Variants in FILIP1L observed in about 807,000 individuals in gnomAD.
The protein encoded by FILIP1L is filamin A interacting protein 1 like.
Under a neutral mutation model 96.6 loss-of-function variants are expected in FILIP1L, and 55 were observed. That is an observed-to-expected ratio of 0.57 (90% CI 0.46 to 0.71). The LOEUF (loss-of-function observed/expected upper bound fraction) is 0.71. Among genes scored for constraint, FILIP1L ranks in the 30% least tolerant of loss-of-function variants. The probability of loss-of-function intolerance (pLI) is 0.00; values close to 1 mark genes in which losing one functional copy is unlikely to be tolerated. For missense variants in FILIP1L, 1,304 were observed against 1,321.2 expected (o/e 0.99, Z 0.20); for synonymous variants, 467 against 473.9 (o/e 0.99, Z 0.19).
chr3:100,007,490 T>C (rs1297561933), intron 1 of FILIP1L, among the ~76,000 whole-genome samples: 1 of 152,060 alleles, frequency 6.6e-6, no homozygotes, highest in Non-Finnish European at 1.5e-5. Context: ...AATCAAATCA[T>C]GAAAGATGCA....
chr3:99,999,888 A>G (rs1709792836), intron 1 of FILIP1L, among the ~76,000 whole-genome samples: 1 of 152,202 alleles, frequency 6.6e-6, no homozygotes, highest in Non-Finnish European at 1.5e-5. Flanking sequence ...TCAGTTTCAC[A>G]CATAGTCCAA....
chr3:99,989,671 TA>T (rs1709453809), intron 1 of FILIP1L, among the ~76,000 whole-genome samples: 1 of 142,448 alleles, frequency 7.0e-6, no homozygotes, highest in African/African-American at 2.7e-5. Flanking sequence ...CCTCTATATA[TA>T]TATATATATA....
At chr3:100,064,285 C>G (rs2065623395) in intron 1 of FILIP1L, among the ~76,000 whole-genome samples, 1 of 152,122 alleles carries the variant, frequency 6.6e-6, no homozygotes, top group Non-Finnish European at 1.5e-5. Flanking sequence ...GTTTAACTTA[C>G]TAATAGACAA....
At position 99,848,672 on chromosome 3, in the gene FILIP1L, T is replaced by G; in HGVS notation, c.3004A>C (p.Ile1002Leu). The change falls in exon 5 of 6, where the codon ATT becomes CTT. Residue 1002 changes from isoleucine (I) to leucine (L), a missense_variant. Ile to Leu is a conservative substitution (Grantham distance 5, BLOSUM62 2). Transcript: ENST00000477258. The part of the protein sequence containing the change: ...SLTPERTMSP[I>L]QVLAVTGSAS... Reference sequence around the variant, plus strand: ...GAACCAGTCACAGCCAAAACCTGAATAGGGGACATTGTCCTTTCTGGAGTT... The same window carrying G: ...GAACCAGTCACAGCCAAAACCTGAAGAGGGGACATTGTCCTTTCTGGAGTT... 1.2e-6 allele frequency: 2 copies of G among 1,614,186 alleles called. No homozygotes were observed. The highest frequency in any genetic ancestry group is 1.7e-6 in the Non-Finnish European group (2 of 1,180,020).
At chr3:100,096,164 A>G (rs186301240) in intron 1 of FILIP1L, among the ~76,000 whole-genome samples, 36 of 152,302 alleles carry the variant, frequency 2.4e-4, no homozygotes, top group South Asian at 2.3e-3. Context: ...TGTTGGTGGG[A>G]ATGAAAATTG....
At chr3:100,034,783 C>T (rs948075403) in intron 1 of FILIP1L, among the ~76,000 whole-genome samples, 5 of 152,156 alleles carry the variant, frequency 3.3e-5, no homozygotes, top group South Asian at 2.1e-4. Context: ...ATGCTTTAAA[C>T]CTAGACTTTC....
intron 4 of FILIP1L, among the ~76,000 whole-genome samples, chr3:99,914,241 A>T (rs981052650): frequency 2.6e-5 from 4 of 152,228 alleles, no homozygotes; most frequent in Non-Finnish European, 4.4e-5. Flanking sequence ...TATAGGATAT[A>T]TGAAGGAGGA....
intron 1 of FILIP1L, among the ~76,000 whole-genome samples, chr3:100,101,867 A>G (rs1318139764): frequency 1.3e-5 from 2 of 151,780 alleles, no homozygotes; most frequent in African/African-American, 2.4e-5. Context: ...GAGAACATGC[A>G]GTGTTTGGTT....
At chr3:100,002,631 G>A (rs917151018) in intron 1 of FILIP1L, among the ~76,000 whole-genome samples, 2 of 152,128 alleles carry the variant, frequency 1.3e-5, no homozygotes, top group African/African-American at 4.8e-5. Context: ...CCATCATATG[G>A]GTGTGATTGA....
chr3:99,983,393 T>TAA (rs1401992303), intron 1 of FILIP1L, among the ~76,000 whole-genome samples: 33 of 87,058 alleles, frequency 3.8e-4, no homozygotes, highest in African/African-American at 1.7e-3. Flanking sequence ...TAAATAAATA[T>TAA]ATATATATAT....
intron 1 of FILIP1L, among the ~76,000 whole-genome samples, chr3:100,095,324 A>G (rs1416277272): frequency 6.6e-6 from 1 of 152,206 alleles, no homozygotes; most frequent in Non-Finnish European, 1.5e-5. Flanking sequence ...TTAGGGATAA[A>G]TCGACGTGTT....
intron 1 of FILIP1L, among the ~76,000 whole-genome samples, chr3:99,994,828 C>T (rs1709627919): frequency 6.6e-6 from 1 of 152,196 alleles, no homozygotes; most frequent in Admixed American, 6.5e-5. Flanking sequence ...CATCAGATCT[C>T]ATGAGACTTA....
At chr3:100,007,198 G>A (rs1710012955) in intron 1 of FILIP1L, among the ~76,000 whole-genome samples, 1 of 152,116 alleles carries the variant, frequency 6.6e-6, no homozygotes, top group South Asian at 2.1e-4. Flanking sequence ...GGCTTTTATT[G>A]CTTTTTCTAT....
chr3:100,032,186 T>G (rs1020614344), intron 1 of FILIP1L, among the ~76,000 whole-genome samples: 2 of 152,098 alleles, frequency 1.3e-5, no homozygotes, highest in Admixed American at 1.3e-4. Flanking sequence ...TGAAAGACAA[T>G]TATTTAAATG....
At chr3:100,008,948 A>C (rs1025627606) in intron 1 of FILIP1L, among the ~76,000 whole-genome samples, 2 of 152,232 alleles carry the variant, frequency 1.3e-5, no homozygotes, top group Non-Finnish European at 2.9e-5. Flanking sequence ...TATAGGAAAG[A>C]AACTTTTTTC....
At chr3:99,914,582 T>A (rs1706893369) in intron 4 of FILIP1L, among the ~76,000 whole-genome samples, 2 of 152,228 alleles carry the variant, frequency 1.3e-5, no homozygotes, top group Non-Finnish European at 2.9e-5. Context: ...TCAGGTAAAG[T>A]TATAAAGTAA....
chr3:99,888,674 TA>T (rs1317903838), intron 4 of FILIP1L, among the ~76,000 whole-genome samples: 1 of 152,222 alleles, frequency 6.6e-6, no homozygotes, highest in African/African-American at 2.4e-5. Context: ...GAAGGTAAAG[TA>T]GAGAAAAGAA....
At chr3:100,111,831 C>G (rs1464384587) in intron 1 of FILIP1L, among the ~76,000 whole-genome samples, 8 of 152,174 alleles carry the variant, frequency 5.3e-5, no homozygotes, top group Non-Finnish European at 1.2e-4. Flanking sequence ...AGTATTTGCA[C>G]TAAAATGTGT....
At chr3:100,015,844 T>C (rs1576643017) in intron 1 of FILIP1L, among the ~76,000 whole-genome samples, 1 of 152,206 alleles carries the variant, frequency 6.6e-6, no homozygotes, top group African/African-American at 2.4e-5. Flanking sequence ...CTATCACATA[T>C]GATCATTGTA....
Sources: allele counts gnomAD v4.1 joint callset (sites outside exome capture counted in the v4.1 genomes callset), GRCh38; gene constraint gnomAD v4.1.1; transcripts MANE v1.5; gene names NCBI Gene and HGNC (gene_info 2026-07-23, HGNC 2026-07-21).